CADM1: variants seen among roughly 807,000 people sequenced by gnomAD.
The protein encoded by CADM1 is TSLC-1.
Under a neutral mutation model 53.1 loss-of-function variants are expected in CADM1, and 15 were observed. That is an observed-to-expected ratio of 0.28 (90% CI 0.19 to 0.44). The LOEUF (loss-of-function observed/expected upper bound fraction) is 0.44, where lower values mean the gene tolerates loss of function less well. CADM1 is among the 20% of genes least tolerant of loss of function. The probability of loss-of-function intolerance (pLI) is 1.00; values close to 1 mark genes in which losing one functional copy is unlikely to be tolerated. For missense variants in CADM1, 434 were observed against 611.3 expected, an observed-to-expected ratio of 0.71 and a Z score of 3.06; for synonymous variants, 281 against 243.0, an observed-to-expected ratio of 1.16 and a Z score of -1.45.
At chr11:115,306,109 G>A (rs560367274) in intron 1 of CADM1, among the ~76,000 whole-genome samples, 89 of 7,512 alleles carry the variant, frequency 0.012, no homozygotes, top group East Asian at 0.068. Flanking sequence ...CACACATACC[G>A]TCATGTGCCA....
chr11:115,319,667 A>T (rs1382110341), intron 1 of CADM1, among the ~76,000 whole-genome samples: 3 of 152,140 alleles, frequency 2.0e-5, no homozygotes, highest in African/African-American at 7.2e-5. Flanking sequence ...AAATTCTATG[A>T]TCTTAACAAA....
chr11:115,287,086 T>G (rs79094776), intron 1 of CADM1, among the ~76,000 whole-genome samples: 269 of 152,326 alleles, frequency 1.8e-3, no homozygotes, highest in African/African-American at 6.0e-3. Context: ...CTTTCTTTTC[T>G]GTTTAGATTT....
At chr11:115,485,363 T>A (rs1035964445) in intron 1 of CADM1, among the ~76,000 whole-genome samples, 10 of 152,228 alleles carry the variant, frequency 6.6e-5, no homozygotes, top group African/African-American at 2.4e-4. Context: ...TGGCACACAC[T>A]GGGCCTTTGA....
chr11:115,176,326 T>G lies in CADM1; in HGVS notation c.*148A>C. On this transcript the variant is annotated 3_prime_UTR_variant, in exon 12 of 12. Coordinates refer to ENST00000331581, the MANE Select transcript of CADM1 (RefSeq NM_001301043.2). Reference sequence around the variant, plus strand: ...TTCCAAAGAACATTTTTTTTTTTTTTACACAGCAAATCCCAAGCCTTCCCA... The same window carrying G: ...TTCCAAAGAACATTTTTTTTTTTTTGACACAGCAAATCCCAAGCCTTCCCA... 1 of 1,519,806 alleles carries G rather than the reference T, an allele frequency of 6.6e-7. No individual in the cohort carries two copies. Among genetic ancestry groups the G allele is most frequent in the Non-Finnish European group, 8.8e-7 (1 of 1,131,058 alleles). 94.1% of individuals were successfully genotyped at this position (1,519,806 alleles called of 1,614,324 possible). A position where few individuals can be genotyped will look rare whatever the true frequency, so the allele number is the denominator to read the frequency against.
intron 1 of CADM1, among the ~76,000 whole-genome samples, chr11:115,499,615 C>A (rs1565457146): frequency 6.6e-6 from 1 of 152,258 alleles, no homozygotes; most frequent in Admixed American, 6.5e-5. Context: ...GGAGGCGGAA[C>A]AGAAGGTCCA....
At chr11:115,409,411 G>A (rs760431099) in intron 1 of CADM1, among the ~76,000 whole-genome samples, 2 of 151,602 alleles carry the variant, frequency 1.3e-5, no homozygotes, top group Non-Finnish European at 2.9e-5. Context: ...CGTTTTTTTT[G>A]TTTTGTTTTG....
intron 1 of CADM1, among the ~76,000 whole-genome samples, chr11:115,298,948 A>T (rs1168989274): frequency 6.6e-6 from 1 of 152,190 alleles, no homozygotes; most frequent in African/African-American, 2.4e-5. Flanking sequence ...GAACACTGCC[A>T]GGTCAGACTC....
intron 1 of CADM1, among the ~76,000 whole-genome samples, chr11:115,367,968 C>A (rs1441705135): frequency 6.6e-6 from 1 of 151,752 alleles, no homozygotes; most frequent in African/African-American, 2.4e-5. Context: ...TATAGTATTT[C>A]CTTCATTTAG....
chr11:115,493,278 T>TAAA (rs536260260), intron 1 of CADM1, among the ~76,000 whole-genome samples: 1 of 122,504 alleles, frequency 8.2e-6, no homozygotes, highest in African/African-American at 3.0e-5. Context: ...TGTAATTTTC[T>TAAA]AAAAAAAAAA....
chr11:115,415,352 C>A (rs188493826), intron 1 of CADM1, among the ~76,000 whole-genome samples: 1 of 152,108 alleles, frequency 6.6e-6, no homozygotes, highest in Non-Finnish European at 1.5e-5. Context: ...GGTCATCATT[C>A]ATATATTATA....
At position 115,251,560 on chromosome 11, in the gene CADM1, T is replaced by C. The variant is rs115496784; in HGVS notation, c.125-11140A>G. The stretch of plus-strand genomic sequence containing the variant: ...AGCTGTAAATCCATGATAATCATCA[T>C]GCTGAATAATGCTGCAACATTCAGC... On this transcript the variant is annotated intron_variant, in intron 1 of 11. Coordinates refer to ENST00000331581, the MANE Select transcript of CADM1 (RefSeq NM_001301043.2). Among the ~76,000 whole-genome samples the C allele has an allele frequency of 6.8e-3, 1,043 of 152,278 alleles. 9 individuals are homozygous for C. Among genetic ancestry groups the C allele is most frequent in the African/African-American group, 0.02 (838 of 41,584 alleles).
At chr11:115,460,543 G>A (rs1034456408) in intron 1 of CADM1, among the ~76,000 whole-genome samples, 1 of 152,118 alleles carries the variant, frequency 6.6e-6, no homozygotes, top group African/African-American at 2.4e-5. Context: ...ATCTCTAAAT[G>A]CACTGTCACC....
rs56270694 is a variant in CADM1, at chr11:115,206,758, C to CTTTTTTTTTTTTTTTTTTTTTTTTTTTT, written c.1078+2788_1078+2815dup. On this transcript the variant is annotated intron_variant, in intron 8 of 11. Coordinates refer to ENST00000331581, the MANE Select transcript of CADM1 (RefSeq NM_001301043.2). ...AAAAGAAATAGATGACTGTGGACTTCTTTTTTTTTTTTTTTTTTTTTTTTT... is the reference window on the plus strand; with the variant it reads ...AAAAGAAATAGATGACTGTGGACTTCTTTTTTTTTTTTTTTTTTTTTTTTTTTTTTTTTTTTTTTTTTTTTTTTTTTTT... Among the ~76,000 whole-genome samples the CTTTTTTTTTTTTTTTTTTTTTTTTTTTT allele has an allele frequency of 7.8e-5, 3 of 38,230 alleles. 1 individual carries two copies. The highest frequency in any genetic ancestry group is 9.7e-5 in the African/African-American group (1 of 10,346). 25.1% of individuals were successfully genotyped at this position (38,230 alleles called of 152,430 possible).
intron 1 of CADM1, among the ~76,000 whole-genome samples, chr11:115,304,673 T>C (rs1308072309): frequency 1.3e-5 from 2 of 152,054 alleles, no homozygotes; most frequent in Admixed American, 6.6e-5. Context: ...TTGGATATCA[T>C]ACCACAAACA....
intron 1 of CADM1, among the ~76,000 whole-genome samples, chr11:115,446,619 T>C (rs1206181426): frequency 6.6e-6 from 1 of 152,214 alleles, no homozygotes; most frequent in East Asian, 1.9e-4. Context: ...AAAGGAGTTC[T>C]AAAAGTTATA....
chr11:115,295,534 ATATATATATATATATAATATATATG>A (rs1944044426), intron 1 of CADM1, among the ~76,000 whole-genome samples: 1 of 85,706 alleles, frequency 1.2e-5, no homozygotes, highest in African/African-American at 8.5e-5. Context: ...ATATATATAT[ATATATATATATATATAATATATATG>A]TATATGCACA....
chr11:115,185,666 C>T (rs921464328), intron 10 of CADM1, among the ~76,000 whole-genome samples: 23 of 152,192 alleles, frequency 1.5e-4, no homozygotes, highest in East Asian at 1.9e-4. Flanking sequence ...CACCAGAAGT[C>T]GTGCTTGAGT....
intron 1 of CADM1, among the ~76,000 whole-genome samples, chr11:115,490,392 ATTTTTTT>A (rs35633504): frequency 1.2e-3 from 131 of 109,312 alleles, no homozygotes; most frequent in Middle Eastern, 6.0e-3. Flanking sequence ...GGAAGAACAG[ATTTTTTT>A]TTTTTTTTTT....
intron 1 of CADM1, among the ~76,000 whole-genome samples, chr11:115,412,645 A>C (rs927029794): frequency 6.6e-6 from 1 of 152,220 alleles, no homozygotes; most frequent in African/African-American, 2.4e-5. Flanking sequence ...CCTGAGAGAT[A>C]ATAATCCACA....
Sources: gnomAD v4.1 joint callset for allele counts (sites outside exome capture counted in the v4.1 genomes callset) on GRCh38, gnomAD v4.1.1 for gene constraint, MANE v1.5 for transcripts, NCBI Gene and HGNC (gene_info 2026-07-23, HGNC 2026-07-21) for gene names.